TUBA4A: variants seen among roughly 807,000 people sequenced by gnomAD.
TUBA4A encodes the protein tubulin alpha-4A chain.
TUBA4A carries 23 observed loss-of-function variants against 34.3 expected under a neutral mutation model. The ratio of observed to expected loss-of-function variants is 0.67; its 90% CI spans 0.48 to 0.95. The LOEUF (loss-of-function observed/expected upper bound fraction) is 0.95, where lower values mean the gene tolerates loss of function less well. Among genes scored for constraint, TUBA4A ranks in the 40% least tolerant of loss-of-function variants. The probability of loss-of-function intolerance (pLI) is 0.00; values close to 1 mark genes in which losing one functional copy is unlikely to be tolerated. For missense variants in TUBA4A, 279 were observed against 599.0 expected, an observed-to-expected ratio of 0.47 and a Z score of 5.58; for synonymous variants, 216 against 230.5, an observed-to-expected ratio of 0.94 and a Z score of 0.57.
Position 219,250,211 on chromosome 2 carries a change from C to T in TUBA4A, c.*141G>A. On this transcript the variant is annotated 3_prime_UTR_variant, in exon 4 of 4. Coordinates refer to ENST00000248437, the MANE Select transcript of TUBA4A (RefSeq NM_006000.3). The surrounding 1 kb of genome is among the most constrained non-coding windows in gnomAD (Gnocchi z 8.4). ...CGATGGAAGGGATAAGGGTCATGAA[C>T]AGCAAACAGAGCAGCAGCAGCATGA... 6 of 1,263,882 alleles carry T rather than the reference C, an allele frequency of 4.7e-6. No homozygotes were observed. The South Asian group carries it at 8.6e-5, about 18-fold the overall frequency. 78.3% of individuals were successfully genotyped at this position (1,263,882 alleles called of 1,614,324 possible).
In TUBA4A at chr2:219,251,442, T is replaced by C. The variant is rs1951645673; in HGVS notation, c.376-119A>G. ...GTCAGGGCAAATACTGAGGATGCCA[T>C]AGCAGCACCACACTCGAGACCATGT... On this transcript the variant is annotated intron_variant, in intron 3 of 3. Coordinates refer to ENST00000248437, the MANE Select transcript of TUBA4A (RefSeq NM_006000.3). This position sits in a 1 kb window ranked among gnomAD's most constrained non-coding sequence, Gnocchi z 6.1. 2.6e-6 allele frequency: 4 copies of C among 1,535,442 alleles called. No homozygotes were observed. Among genetic ancestry groups the C allele is most frequent in the South Asian group, 2.5e-5 (2 of 79,328 alleles).
rs781587642 is a variant in TUBA4A, at chr2:219,250,557, G to A, written c.1142C>T (p.Thr381Met). Residue 381 changes from threonine (T) to methionine (M), a missense_variant, in exon 4 of 4, where the codon ACG becomes ATG. By Grantham distance (81) the Thr-to-Met change is moderately conservative (BLOSUM62 -1). Transcript: ENST00000248437. This position sits in a 1 kb window ranked among gnomAD's most constrained non-coding sequence, Gnocchi z 8.4. ...GGCCCAGGCCTCGGCGATGGCGGTC[G>A]TGTTGCTCAGCATGCACACGGCACG... Reference protein sequence around the residue: ...VQRAVCMLSNTTAIAEAWARL... With the variant: ...VQRAVCMLSNMTAIAEAWARL... 12 of 1,614,238 alleles carry A rather than the reference G, an allele frequency of 7.4e-6. No homozygotes were observed. The Admixed American group carries it at 8.3e-5, about 11-fold the overall frequency.
Position 219,252,295 on chromosome 2 carries a change from T to C in TUBA4A, c.4-65A>G. On this transcript the variant is annotated intron_variant, in intron 1 of 3. Coordinates refer to ENST00000248437, the MANE Select transcript of TUBA4A (RefSeq NM_006000.3). This position sits in a 1 kb window ranked among gnomAD's most constrained non-coding sequence, Gnocchi z 4.1. ...TCCACAAGTCCTCACCTTGCGAGTCTCTCTTCCACCCTATCATCTACCAGC... is the reference window on the plus strand; with the variant it reads ...TCCACAAGTCCTCACCTTGCGAGTCCCTCTTCCACCCTATCATCTACCAGC... 6.9e-7 allele frequency: 1 copy of C among 1,438,950 alleles called. No homozygotes were observed. The highest frequency in any genetic ancestry group is 1.2e-5 in the South Asian group (1 of 84,480). 89.1% of individuals were successfully genotyped at this position (1,438,950 alleles called of 1,614,324 possible). A position where few individuals can be genotyped will look rare whatever the true frequency, so the allele number is the denominator to read the frequency against.
At position 219,253,891 on chromosome 2, in the gene TUBA4A, C is replaced by A. The variant is rs559586186; in HGVS notation, c.-33G>T. 12 of 1,418,466 alleles carry A rather than the reference C, an allele frequency of 8.5e-6. No individual in the cohort carries two copies. The East Asian group carries it at 1.7e-4, about 20-fold the overall frequency. 87.9% of individuals were successfully genotyped at this position (1,418,466 alleles called of 1,614,324 possible). A position where few individuals can be genotyped will look rare whatever the true frequency, so the allele number is the denominator to read the frequency against. On this transcript the variant is annotated 5_prime_UTR_variant, in exon 1 of 4. Transcript: ENST00000248437. Reference sequence around the variant, plus strand: ...CCGGGCGGTGCGTCTCACGTTGAGTCGGGGTGACAGGTCTCAGTGAGAACT... The same window carrying A: ...CCGGGCGGTGCGTCTCACGTTGAGTAGGGGTGACAGGTCTCAGTGAGAACT...
Position 219,250,972 on chromosome 2 carries a change from G to T in TUBA4A, c.727C>A (p.Arg243Ser), listed in dbSNP as rs199881197. The change falls in exon 4 of 4, where the codon CGC becomes AGC. Residue 243 changes from arginine to serine, a missense_variant. Arg to Ser is a moderately radical substitution (Grantham distance 110). Around this residue, in one of 3 missense-constraint regions of TUBA4A, gnomAD observed 108 missense variants for 299.9 expected, o/e 0.36. Coordinates refer to ENST00000248437, the MANE Select transcript of TUBA4A (RefSeq NM_006000.3). This position sits in a 1 kb window ranked among gnomAD's most constrained non-coding sequence, Gnocchi z 8.4. ...TCCACATTGAGGGCCCCGTCAAAGC[G>T]CAGAGAAGCTGTGATGGAGGAGACA... is the stretch of plus-strand genomic sequence containing the variant. ...QIVSSITASL[R>S]FDGALNVDLT... 6.2e-7 allele frequency: 1 copy of T among 1,614,176 alleles called. No homozygotes were observed. Among genetic ancestry groups the T allele is most frequent in the Non-Finnish European group, 8.5e-7 (1 of 1,180,020 alleles).
chr2:219,250,556 C>G lies in TUBA4A; in HGVS notation c.1143G>C (p.Thr381=), dbSNP rs757609748. The G allele has an allele frequency of 6.2e-7, 1 of 1,614,184 alleles. No individual in the cohort carries two copies. The highest frequency in any genetic ancestry group is 8.5e-7 in the Non-Finnish European group (1 of 1,180,048). The change falls in exon 4 of 4, where the codon ACG becomes ACC. Residue 381 remains threonine, a synonymous_variant. Coordinates refer to ENST00000248437, the MANE Select transcript of TUBA4A (RefSeq NM_006000.3). This position sits in a 1 kb window ranked among gnomAD's most constrained non-coding sequence, Gnocchi z 8.4. ...GGGCCCAGGCCTCGGCGATGGCGGT[C>G]GTGTTGCTCAGCATGCACACGGCAC... ...VQRAVCMLSN[T]TAIAEAWARL... is the part of the protein sequence containing the mutation.
At chr2:219,253,713 T>C in intron 1 of TUBA4A, 143 bp downstream of exon 1, 1 of 1,021,890 alleles carries the variant, frequency 9.8e-7, no homozygotes, top group Non-Finnish European at 1.4e-6. Flanking sequence ...AGGAGGGGGT[T>C]GGGGAGGGAG....
Position 219,252,230 on chromosome 2 carries a change from G to A in TUBA4A, c.4C>T (p.Arg2Cys). The A allele has an allele frequency of 6.2e-7, 1 of 1,613,064 alleles. No individual in the cohort carries two copies. The highest frequency in any genetic ancestry group is 8.5e-7 in the Non-Finnish European group (1 of 1,179,156). The change falls in exon 2 of 4, where the codon CGT becomes TGT. Residue 2 changes from arginine to cysteine, a missense_variant and splice_region_variant. Physicochemically the swap from Arg to Cys is radical, Grantham distance 180. Coordinates refer to ENST00000248437, the MANE Select transcript of TUBA4A (RefSeq NM_006000.3). This position sits in a 1 kb window ranked among gnomAD's most constrained non-coding sequence, Gnocchi z 4.1. The stretch of plus-strand genomic sequence containing the variant: ...CCCACGTGGACTGAGATGCATTCAC[G>A]CTGAGGGATAGAGAGAGGGGACACA... M[R>C]ECISVHVGQA...
In TUBA4A at chr2:219,250,184, A is replaced by C; in HGVS notation, c.*168T>G. On this transcript the variant is annotated 3_prime_UTR_variant, in exon 4 of 4. Transcript: ENST00000248437. This position sits in a 1 kb window ranked among gnomAD's most constrained non-coding sequence, Gnocchi z 8.4. ...GAACCCCTTTGCAGGTCTCACCTTC[A>C]GCGATGGAAGGGATAAGGGTCATGA... The C allele has an allele frequency of 2.0e-6, 2 of 1,018,754 alleles. No homozygotes were observed. The highest frequency in any genetic ancestry group is 3.2e-5 in the South Asian group (2 of 62,716). The allele number at this position is 1,018,754 out of a possible 1,614,324, so 63.1% of individuals were successfully genotyped here.
Position 219,252,780 on chromosome 2 carries a change from A to C in TUBA4A, c.4-550T>G. ...CCCCCGCACCCTGGGTGTCTTCACC[A>C]CTTTCATCTCCCGTGTCAGCCCGCA... On this transcript the variant is annotated intron_variant, in intron 1 of 3. Transcript: ENST00000248437. This position sits in a 1 kb window ranked among gnomAD's most constrained non-coding sequence, Gnocchi z 4.1. The C allele has an allele frequency of 2.1e-6, 1 of 471,496 alleles. No individual in the cohort carries two copies. The highest frequency in any genetic ancestry group is 4.4e-6 in the Non-Finnish European group (1 of 227,514). The allele number at this position is 471,496 out of a possible 1,614,324, so 29.2% of individuals were successfully genotyped here.
In TUBA4A at chr2:219,250,437, G is replaced by T. The variant is rs1381638030; in HGVS notation, c.1262C>A (p.Ala421Asp). The change falls in exon 4 of 4, where the codon GCC (alanine) becomes GAC (aspartate). Residue 421 changes from alanine to aspartate, a missense_variant. Physicochemically the swap from Ala to Asp is moderately radical, Grantham distance 126. This residue lies in a region of TUBA4A where 73 missense variants were observed against 128.0 expected (regional missense o/e 0.57). Transcript: ENST00000248437. This position sits in a 1 kb window ranked among gnomAD's most constrained non-coding sequence, Gnocchi z 8.4. ...CTCCAGGGCAGCCATATCCTCACGG[G>T]CCTCGGAGAACTCACCCTCCTCCAT... is the stretch of plus-strand genomic sequence containing the variant. ...EGMEEGEFSE[A>D]REDMAALEKD... The T allele has an allele frequency of 6.2e-7, 1 of 1,614,196 alleles. No homozygotes were observed. The highest frequency in any genetic ancestry group is 1.7e-5 in the Admixed American group (1 of 60,028).
Position 219,250,730 on chromosome 2 carries a change from C to T in TUBA4A, c.969G>A (p.Val323=), listed in dbSNP as rs1951633449. 6.2e-7 allele frequency: 1 copy of T among 1,614,188 alleles called. No homozygotes were observed. The highest frequency in any genetic ancestry group is 1.1e-5 in the South Asian group (1 of 91,080). The change falls in exon 4 of 4, where the codon GTG becomes GTA. Residue 323 remains valine (V), a synonymous_variant. Transcript: ENST00000248437. This position sits in a 1 kb window ranked among gnomAD's most constrained non-coding sequence, Gnocchi z 8.4. ...TGGCAGCGTTGACATCCTTGGGCAC[C>T]ACATCTCCACGGTACAGCAGGCAGC... ...MACCLLYRGD[V]VPKDVNAAIA...
At chr2:219,253,969 G>A (rs1951693617), upstream of TUBA4A, 2 of 1,137,080 alleles carry the variant, frequency 1.8e-6, no homozygotes, top group East Asian at 3.2e-5. Context: ...GGCGGGGCCC[G>A]CGTTCCCCGC....
chr2:219,250,326 T>C lies in TUBA4A; in HGVS notation c.*26A>G. ...TTTCGAAAGGATTTTGCAATAAACA[T>C]AGTGAATAGGCTCCAGGCAGCTGCT... On this transcript the variant is annotated 3_prime_UTR_variant, in exon 4 of 4. Coordinates refer to ENST00000248437, the MANE Select transcript of TUBA4A (RefSeq NM_006000.3). This position sits in a 1 kb window ranked among gnomAD's most constrained non-coding sequence, Gnocchi z 8.4. 6.3e-7 allele frequency: 1 copy of C among 1,580,794 alleles called. No homozygotes were observed. Among genetic ancestry groups the C allele is most frequent in the South Asian group, 1.1e-5 (1 of 87,678 alleles).
chr2:219,252,377 A>C lies in TUBA4A; in HGVS notation c.4-147T>G. 1 of 795,896 alleles carries C rather than the reference A, an allele frequency of 1.3e-6. No individual in the cohort carries two copies. 49.3% of individuals were successfully genotyped at this position (795,896 alleles called of 1,614,324 possible). A position where few individuals can be genotyped will look rare whatever the true frequency, so the allele number is the denominator to read the frequency against. On this transcript the variant is annotated intron_variant, in intron 1 of 3. Transcript: ENST00000248437. The surrounding 1 kb of genome is among the most constrained non-coding windows in gnomAD (Gnocchi z 4.1). ...TGGGGCTGGGCAGAGGTGAGAAGAG[A>C]GTAGCAGCCTGCCCGGGCTCCCAGG...
In TUBA4A at chr2:219,251,388, G is replaced by C. The variant is rs1951644969; in HGVS notation, c.376-65C>G. 22 of 1,545,818 alleles carry C rather than the reference G, an allele frequency of 1.4e-5. 1 individual carries two copies. In the South Asian group the frequency reaches 2.6e-4, roughly 19 times the overall value. ...AGGGGCCTGAGGGACTCTATCACCT[G>C]GCTCCATAAAGCGTAAGATACATCA... On this transcript the variant is annotated intron_variant, in intron 3 of 3. Coordinates refer to ENST00000248437, the MANE Select transcript of TUBA4A (RefSeq NM_006000.3). This position sits in a 1 kb window ranked among gnomAD's most constrained non-coding sequence, Gnocchi z 6.1.
In TUBA4A at chr2:219,252,310, C is replaced by T. The variant is rs1951661609; in HGVS notation, c.4-80G>A. 2 of 1,318,294 alleles carry T rather than the reference C, an allele frequency of 1.5e-6. No homozygotes were observed. Among genetic ancestry groups the T allele is most frequent in the Non-Finnish European group, 2.1e-6 (2 of 938,874 alleles). 81.7% of individuals were successfully genotyped at this position (1,318,294 alleles called of 1,614,324 possible). The stretch of plus-strand genomic sequence containing the variant: ...CTTGCGAGTCTCTCTTCCACCCTAT[C>T]ATCTACCAGCTAGGATGACTCAGTT... On this transcript the variant is annotated intron_variant, in intron 1 of 3. Transcript: ENST00000248437. The surrounding 1 kb of genome is among the most constrained non-coding windows in gnomAD (Gnocchi z 4.1).
Position 219,251,250 on chromosome 2 carries a change from G to A in TUBA4A, c.449C>T (p.Thr150Ile). 6.2e-7 allele frequency: 1 copy of A among 1,614,154 alleles called. No individual in the cohort carries two copies. Among genetic ancestry groups the A allele is most frequent in the Non-Finnish European group, 8.5e-7 (1 of 1,180,036 alleles). The change falls in exon 4 of 4, where the codon ACC becomes ATC. Residue 150 changes from threonine to isoleucine, a missense_variant. Physicochemically the swap from Thr to Ile is moderately conservative, Grantham distance 89. This residue lies in a region of TUBA4A where 108 missense variants were observed against 299.9 expected (regional missense o/e 0.36). Transcript: ENST00000248437. This position sits in a 1 kb window ranked among gnomAD's most constrained non-coding sequence, Gnocchi z 6.1. ...SFGGGTGSGF[T>I]SLLMERLSVD... is the part of the protein sequence containing the mutation. ...AGAGAGCCGCTCCATCAGGAGTGAG[G>A]TGAAGCCAGAGCCAGTGCCCCCACC...
At position 219,251,821 on chromosome 2, in the gene TUBA4A, T is replaced by C. The variant is rs1951653339; in HGVS notation, c.227-108A>G. The C allele has an allele frequency of 3.4e-6, 5 of 1,460,902 alleles. No individual in the cohort carries two copies. The highest frequency in any genetic ancestry group is 4.6e-6 in the Non-Finnish European group (5 of 1,083,824). 90.5% of individuals were successfully genotyped at this position (1,460,902 alleles called of 1,614,324 possible). ...GACTCATCCTCCTGCCAGCCTGAGATACCAGAGTGTGAGAGAAACCCAGAC... is the reference window on the plus strand; with the variant it reads ...GACTCATCCTCCTGCCAGCCTGAGACACCAGAGTGTGAGAGAAACCCAGAC... On this transcript the variant is annotated intron_variant, in intron 2 of 3. Transcript: ENST00000248437. The surrounding 1 kb of genome is among the most constrained non-coding windows in gnomAD (Gnocchi z 6.1).
Sources: gnomAD v4.1 joint callset for allele counts on GRCh38, gnomAD v4.1.1 for gene constraint, gnomAD v4.1.1 regional missense constraint, Gnocchi (gnomAD v3.1) non-coding constraint, MANE v1.5 for transcripts, NCBI Gene and HGNC (gene_info 2026-07-23, HGNC 2026-07-21) for gene names.